Variants in EYS observed in about 807,000 individuals in gnomAD.
EYS encodes the protein protein eyes shut homolog.
A neutral mutation model predicts 282.1 loss-of-function variants in EYS; 250 were observed. That is an observed-to-expected ratio of 0.89 (90% confidence interval 0.80 to 0.98). EYS has a LOEUF of 0.98. EYS is among the 50% of genes least tolerant of loss of function. The pLI is 0.00. For missense variants in EYS, 4,016 were observed against 3,709.0 expected, an observed-to-expected ratio of 1.08 and a Z score of -2.15; for synonymous variants, 1,355 against 1,282.9, an observed-to-expected ratio of 1.06 and a Z score of -1.20.
At chr6:63,876,480 T>A (rs942829525) in intron 35 of EYS, among the ~76,000 whole-genome samples, 4 of 152,242 alleles carry the variant, frequency 2.6e-5, no homozygotes, top group African/African-American at 9.6e-5. Context: ...TGTAAATGTC[T>A]ATTAGGTCCT....
intron 22 of EYS, among the ~76,000 whole-genome samples, chr6:64,782,692 T>C (rs1431335747): frequency 2.0e-5 from 3 of 152,218 alleles, no homozygotes; most frequent in South Asian, 2.1e-4. Context: ...TTTTAACCAA[T>C]GCATCTGATT....
At chr6:64,021,233 T>A (rs1769176209) in intron 33 of EYS, among the ~76,000 whole-genome samples, 1 of 152,124 alleles carries the variant, frequency 6.6e-6, no homozygotes, top group Admixed American at 6.5e-5. Flanking sequence ...TTTCTTTCCA[T>A]CACAATTACC....
chr6:64,208,076 T>A (rs2150325917), intron 31 of EYS, among the ~76,000 whole-genome samples: 1 of 152,306 alleles, frequency 6.6e-6, no homozygotes, highest in African/African-American at 2.4e-5. Context: ...TGCTATGGGG[T>A]AAAGACCCAT....
At chr6:64,520,803 A>G (rs1047251669) in intron 26 of EYS, among the ~76,000 whole-genome samples, 6 of 151,816 alleles carry the variant, frequency 4.0e-5, no homozygotes, top group African/African-American at 1.5e-4. Flanking sequence ...ATTTACTTCA[A>G]TATCATTTCT....
intron 31 of EYS, among the ~76,000 whole-genome samples, chr6:64,220,776 C>G (rs1457519696): frequency 6.6e-6 from 1 of 152,084 alleles, no homozygotes; most frequent in African/African-American, 2.4e-5. Flanking sequence ...AAGTTTGAAT[C>G]TAACGTTGTT....
intron 15 of EYS, among the ~76,000 whole-genome samples, chr6:64,930,461 T>TAA (rs55650031): frequency 3.6e-4 from 44 of 123,004 alleles, no homozygotes; most frequent in East Asian, 2.6e-3. Context: ...ATAAATAAGG[T>TAA]AAAAAAAAAA....
intron 19 of EYS, among the ~76,000 whole-genome samples, chr6:64,827,257 G>GT (rs922608298): frequency 2.0e-5 from 3 of 151,682 alleles, no homozygotes; most frequent in Non-Finnish European, 2.9e-5. Flanking sequence ...TTTGCAGCCT[G>GT]TTTTTTTATT....
intron 29 of EYS, chr6:64,379,441 C>T (rs1344508518): frequency 2.0e-5 from 3 of 152,142 alleles, no homozygotes; most frequent in Non-Finnish European, 2.9e-5. Context: ...TATTGATGGA[C>T]TTTGATTTGA....
intron 35 of EYS, among the ~76,000 whole-genome samples, chr6:63,881,378 G>C (rs1426001187): frequency 6.6e-6 from 1 of 152,198 alleles, no homozygotes; most frequent in Non-Finnish European, 1.5e-5. Context: ...TCTTCTGAGA[G>C]AGGTTATGGC....
intron 23 of EYS, among the ~76,000 whole-genome samples, chr6:64,621,527 A>G (rs1428554703): frequency 6.6e-6 from 1 of 152,142 alleles, no homozygotes; most frequent in African/African-American, 2.4e-5. Context: ...ACACTCTTTT[A>G]TCTCATAATA....
At chr6:64,331,582 G>C (rs572148634) in intron 29 of EYS, among the ~76,000 whole-genome samples, 2 of 109,192 alleles carry the variant, frequency 1.8e-5, no homozygotes, top group South Asian at 6.7e-4. Context: ...TGGGAGGCTC[G>C]CCTTCCAATA....
At chr6:64,355,092 T>C (rs1472227597) in intron 29 of EYS, among the ~76,000 whole-genome samples, 2 of 151,554 alleles carry the variant, frequency 1.3e-5, no homozygotes, top group African/African-American at 4.8e-5. Flanking sequence ...AAAATACTCA[T>C]GAAATAATAA....
chr6:64,320,311 G>A (rs1770165866), intron 29 of EYS, among the ~76,000 whole-genome samples: 1 of 151,698 alleles, frequency 6.6e-6, no homozygotes, highest in Admixed American at 6.6e-5. Flanking sequence ...TGGAACTCCA[G>A]TTACTTGAAA....
In EYS at chr6:65,342,143, T is replaced by C. The variant is rs191497105; in HGVS notation, c.1599+1895A>G. Among the ~76,000 whole-genome samples, 519 of 151,298 alleles carry C rather than the reference T, an allele frequency of 3.4e-3. 1 individual carries two copies. Among genetic ancestry groups the C allele is most frequent in the Non-Finnish European group, 4.0e-3 (270 of 67,400 alleles). On this transcript the variant is annotated intron_variant, in intron 10 of 42. Transcript: ENST00000503581. Reference sequence around the variant, plus strand: ...ACTGAGGTTTGCTCATTTATATTAGTACATATGTATTTATTTATTCTAAAG... The same window carrying C: ...ACTGAGGTTTGCTCATTTATATTAGCACATATGTATTTATTTATTCTAAAG...
intron 14 of EYS, among the ~76,000 whole-genome samples, chr6:64,989,674 C>T (rs1268219299): frequency 7.1e-6 from 1 of 141,718 alleles, no homozygotes; most frequent in African/African-American, 2.6e-5. Flanking sequence ...TATTTTTATA[C>T]ATTAAATTTT....
At chr6:65,132,896 A>G (rs1775920344) in intron 12 of EYS, among the ~76,000 whole-genome samples, 2 of 152,032 alleles carry the variant, frequency 1.3e-5, no homozygotes, top group African/African-American at 4.8e-5. Flanking sequence ...TACGAAAATC[A>G]CTAGCATTCT....
rs147733324 is a variant in EYS, at chr6:64,068,935, T to C, written c.6572-2444A>G. On this transcript the variant is annotated intron_variant, in intron 32 of 42. Coordinates refer to ENST00000503581, the MANE Select transcript of EYS (RefSeq NM_001142800.2). ...GAGAGATTATCCTATATTATCTCGG[T>C]GGGCCTTAAACATAGACACAAGTGT... Among the ~76,000 whole-genome samples, 412 of 152,144 alleles carry C rather than the reference T, an allele frequency of 2.7e-3. 2 individuals are homozygous for C. The highest frequency in any genetic ancestry group is 6.8e-3 in the Middle Eastern group (2 of 294).
At chr6:65,088,094 C>T (rs560286923) in intron 12 of EYS, among the ~76,000 whole-genome samples, 15 of 152,268 alleles carry the variant, frequency 9.9e-5, no homozygotes, top group South Asian at 2.1e-4. Flanking sequence ...CCTGAGGTCT[C>T]CTACTAATCT....
Position 63,974,188 on chromosome 6 carries a change from A to G in EYS, c.7055+10195T>C, listed in dbSNP as rs910402403. Among the ~76,000 whole-genome samples the G allele has an allele frequency of 2.0e-5, 3 of 152,118 alleles. No individual in the cohort carries two copies. In the South Asian group the frequency reaches 6.2e-4, roughly 32 times the overall value. On this transcript the variant is annotated intron_variant, in intron 35 of 42. Transcript: ENST00000503581. Reference sequence around the variant, plus strand: ...AACAGTGGCATGTTTAATTATATGTAAAAATCATAGTGGTTAACACAATTT... The same window carrying G: ...AACAGTGGCATGTTTAATTATATGTGAAAATCATAGTGGTTAACACAATTT...
Sources: allele counts gnomAD v4.1 joint callset (sites outside exome capture counted in the v4.1 genomes callset), GRCh38; gene constraint gnomAD v4.1.1; transcripts MANE v1.5; gene names NCBI Gene and HGNC (gene_info 2026-07-23, HGNC 2026-07-21).